The following NFASC variants were observed in gnomAD, a reference collection of about 807,000 sequenced individuals.
NFASC encodes the protein neurofascin homolog.
NFASC carries 43 observed loss-of-function variants against 147.5 expected under a neutral mutation model. That is an observed-to-expected ratio of 0.29 (90% CI 0.23 to 0.38). The LOEUF is 0.38. Ranked by LOEUF, NFASC falls within the 10% of genes least tolerant of loss-of-function variation. The probability of loss-of-function intolerance (pLI) is 1.00; values close to 1 mark genes in which losing one functional copy is unlikely to be tolerated. For missense variants in NFASC, 1,320 were observed against 1,689.0 expected (o/e 0.78, Z 3.83); for synonymous variants, 622 against 665.5 (o/e 0.93, Z 1.01).
intron 8 of NFASC, among the ~76,000 whole-genome samples, chr1:204,967,442 A>G (rs993243765): frequency 6.6e-6 from 1 of 152,008 alleles, no homozygotes; most frequent in Admixed American, 6.5e-5. Flanking sequence ...GAAAATGCCA[A>G]TCTCTGTGAG....
At chr1:204,843,777 G>A (rs576109988) in intron 1 of NFASC, among the ~76,000 whole-genome samples, 1 of 151,692 alleles carries the variant, frequency 6.6e-6, no homozygotes, top group East Asian at 1.9e-4. Context: ...GGTGATCTCG[G>A]CTCACCTCAC....
chr1:204,832,693 G>T (rs1369142124), intron 1 of NFASC, among the ~76,000 whole-genome samples: 1 of 152,194 alleles, frequency 6.6e-6, no homozygotes, highest in Non-Finnish European at 1.5e-5. Flanking sequence ...GAATCTGTCA[G>T]GAGCTGTGCA....
chr1:204,971,855 G>A (rs553077719), intron 11 of NFASC, among the ~76,000 whole-genome samples: 1 of 152,170 alleles, frequency 6.6e-6, no homozygotes, highest in East Asian at 1.9e-4. Flanking sequence ...GTCTTAATAG[G>A]ACTTTGGGGG....
chr1:204,893,662 C>T (rs1023629675), intron 1 of NFASC, among the ~76,000 whole-genome samples: 2 of 152,196 alleles, frequency 1.3e-5, no homozygotes, highest in Non-Finnish European at 2.9e-5. Flanking sequence ...TAATGTTTGT[C>T]GAATTAGATG....
chr1:204,859,160 T>C (rs772252131), intron 1 of NFASC, among the ~76,000 whole-genome samples: 1 of 152,124 alleles, frequency 6.6e-6, no homozygotes, highest in Non-Finnish European at 1.5e-5. Context: ...ATAATCTTAG[T>C]AGAGACGGGG....
At chr1:204,863,941 AG>A (rs2076903286) in intron 1 of NFASC, among the ~76,000 whole-genome samples, 1 of 151,676 alleles carries the variant, frequency 6.6e-6, no homozygotes, top group African/African-American at 2.4e-5. Flanking sequence ...AGAAAGAGAG[AG>A]AGAAAGAGAG....
intron 1 of NFASC, among the ~76,000 whole-genome samples, chr1:204,888,133 G>A (rs577514736): frequency 6.7e-4 from 102 of 152,152 alleles, no homozygotes; most frequent in African/African-American, 2.1e-3. Flanking sequence ...TCTGATTTCC[G>A]TGTCACCAGT....
intron 1 of NFASC, among the ~76,000 whole-genome samples, chr1:204,887,805 C>G (rs879853599): frequency 6.6e-6 from 1 of 151,926 alleles, no homozygotes; most frequent in East Asian, 1.9e-4. Context: ...GCCATGTTGG[C>G]CAGGCTGGTC....
At chr1:204,876,061 A>G (rs1384351889) in intron 1 of NFASC, among the ~76,000 whole-genome samples, 1 of 152,184 alleles carries the variant, frequency 6.6e-6, no homozygotes, top group African/African-American at 2.4e-5. Context: ...CTAAATTACT[A>G]GTGAGGCATG....
At chr1:204,839,696 A>G (rs1160293334) in intron 1 of NFASC, among the ~76,000 whole-genome samples, 1 of 152,198 alleles carries the variant, frequency 6.6e-6, no homozygotes, top group East Asian at 1.9e-4. Flanking sequence ...GAGCACTTAG[A>G]AGAGGGTAGG....
At chr1:204,830,229 G>T (rs1310799590) in intron 1 of NFASC, among the ~76,000 whole-genome samples, 1 of 152,172 alleles carries the variant, frequency 6.6e-6, no homozygotes, top group Non-Finnish European at 1.5e-5. Flanking sequence ...TTTGAGACCT[G>T]GTTGGACAGG....
chr1:204,877,054 ATTTATT>A (rs2079118482), intron 1 of NFASC, among the ~76,000 whole-genome samples: 2 of 97,120 alleles, frequency 2.1e-5, no homozygotes, highest in African/African-American at 1.3e-4. Context: ...TATATAATAT[ATTTATT>A]TATATATTTA....
chr1:204,838,352 C>T (rs1219774513), intron 1 of NFASC, among the ~76,000 whole-genome samples: 2 of 152,204 alleles, frequency 1.3e-5, no homozygotes, highest in Non-Finnish European at 2.9e-5. Flanking sequence ...ACCTAAGCCT[C>T]TCTGACTTAG....
At chr1:204,847,023 A>T (rs1193155248) in intron 1 of NFASC, among the ~76,000 whole-genome samples, 1 of 151,788 alleles carries the variant, frequency 6.6e-6, no homozygotes, top group African/African-American at 2.4e-5. Context: ...AAGCCTCCTG[A>T]AAAGGTAGGA....
At chr1:204,950,159 C>A (rs528884519) in intron 3 of NFASC, among the ~76,000 whole-genome samples, 1 of 152,352 alleles carries the variant, frequency 6.6e-6, no homozygotes, top group South Asian at 2.1e-4. Flanking sequence ...CTCTCCTGTT[C>A]ACTGTTGGCT....
At chr1:204,983,722 G>A (rs924759392) in intron 21 of NFASC, among the ~76,000 whole-genome samples, 12 of 152,296 alleles carry the variant, frequency 7.9e-5, no homozygotes, top group Admixed American at 3.9e-4. Flanking sequence ...CCCAGGAGAC[G>A]GAGCAGGGTG....
chr1:204,999,559 T>A (rs1327901468), intron 25 of NFASC: 2 of 152,218 alleles, frequency 1.3e-5, no homozygotes, highest in Non-Finnish European at 2.9e-5. Context: ...GAATTTGGGA[T>A]GGCTTCAAGT....
chr1:204,960,670 A>G (rs754609340), intron 8 of NFASC, among the ~76,000 whole-genome samples: 17 of 152,210 alleles, frequency 1.1e-4, no homozygotes, highest in Non-Finnish European at 2.5e-4. Flanking sequence ...TGTCATCTGT[A>G]TGTGCCACCA....
chr1:204,939,042 G>A (rs56073435), intron 2 of NFASC, among the ~76,000 whole-genome samples: 3,453 of 50,690 alleles, frequency 0.068, 94 homozygotes, highest in Middle Eastern at 0.29. Context: ...GGATGGATGT[G>A]TGTGTGTGTG....
Sources: gnomAD v4.1 joint callset for allele counts (sites outside exome capture counted in the v4.1 genomes callset) on GRCh38, gnomAD v4.1.1 for gene constraint, MANE v1.5 for transcripts, NCBI Gene and HGNC (gene_info 2026-07-23, HGNC 2026-07-21) for gene names.